Variants in MGMT observed in about 807,000 individuals in gnomAD.
MGMT encodes methylated-DNA--protein-cysteine methyltransferase.
A neutral mutation model predicts 15.9 loss-of-function variants in MGMT; 14 were observed. The ratio of observed to expected loss-of-function variants is 0.88; its 90% confidence interval spans 0.58 to 1.37. The LOEUF (loss-of-function observed/expected upper bound fraction) is 1.37. Among genes scored for constraint, MGMT ranks in the 40% most tolerant of loss-of-function variants. MGMT has a pLI of 0.00. For missense variants in MGMT, 282 were observed against 268.1 expected, an observed-to-expected ratio of 1.05 and a Z score of -0.36; for synonymous variants, 130 against 118.2, an observed-to-expected ratio of 1.10 and a Z score of -0.65.
chr10:129,550,341 G>A (rs975761181), intron 2 of MGMT, among the ~76,000 whole-genome samples: 1 of 139,288 alleles, frequency 7.2e-6, no homozygotes, highest in Non-Finnish European at 1.6e-5. Context: ...GCACCGGCAT[G>A]TTTCACAGTG....
intron 3 of MGMT, among the ~76,000 whole-genome samples, chr10:129,716,133 A>G (rs1159340826): frequency 6.6e-6 from 1 of 152,206 alleles, no homozygotes; most frequent in Non-Finnish European, 1.5e-5. Flanking sequence ...TAAATTGAAG[A>G]ACGAAATCGA....
chr10:129,659,753 A>G lies in MGMT; in HGVS notation c.126-48142A>G, dbSNP rs1052780857. On this transcript the variant is annotated intron_variant, in intron 2 of 4. Transcript: ENST00000651593. The surrounding 1 kb of genome is among the most constrained non-coding windows in gnomAD (Gnocchi z 4.1). ...TAAACTTTAGAAAAAGTGTTCTGAC[A>G]TTTATAGACTGACACGAAAACAGAA... 1.3e-5 allele frequency among the ~76,000 whole-genome samples: 2 copies of G among 152,234 alleles called. No homozygotes were observed. Among genetic ancestry groups the G allele is most frequent in the African/African-American group, 2.4e-5 (1 of 41,462 alleles).
At chr10:129,620,194 A>G (rs1847075665) in intron 2 of MGMT, among the ~76,000 whole-genome samples, 1 of 152,246 alleles carries the variant, frequency 6.6e-6, no homozygotes, top group Non-Finnish European at 1.5e-5. Flanking sequence ...CTTAAGCAGC[A>G]TTCTACATGT....
chr10:129,642,522 G>A (rs1014848977), intron 2 of MGMT, among the ~76,000 whole-genome samples: 5 of 152,156 alleles, frequency 3.3e-5, no homozygotes, highest in Admixed American at 3.3e-4. Flanking sequence ...TGGGATTGTG[G>A]CTAATTTTTA....
intron 2 of MGMT, among the ~76,000 whole-genome samples, chr10:129,613,247 AAG>A (rs1454326227): frequency 6.6e-6 from 1 of 152,198 alleles, no homozygotes; most frequent in Non-Finnish European, 1.5e-5. Flanking sequence ...GAATAAAACC[AAG>A]AGAGTCACTG....
At chr10:129,504,921 T>A (rs1845609565) in intron 1 of MGMT, among the ~76,000 whole-genome samples, 1 of 145,706 alleles carries the variant, frequency 6.9e-6, no homozygotes, top group African/African-American at 2.8e-5. Context: ...TTTGTGTGAA[T>A]GTGGTAGGGT....
chr10:129,728,207 A>G (rs1174173761), intron 3 of MGMT, among the ~76,000 whole-genome samples: 1 of 152,192 alleles, frequency 6.6e-6, no homozygotes, highest in Non-Finnish European at 1.5e-5. Context: ...GGAAAAGAAG[A>G]AGAAGGGATT....
chr10:129,766,720 T>C (rs988830604), intron 4 of MGMT, 68 bp from the exon 5 acceptor site: 12 of 1,425,290 alleles, frequency 8.4e-6, no homozygotes, highest in Admixed American at 2.0e-5. Context: ...GTCAGGGCCT[T>C]GGCCTTGACC....
intron 3 of MGMT, among the ~76,000 whole-genome samples, chr10:129,714,381 A>T (rs1226863284): frequency 6.6e-6 from 1 of 152,238 alleles, no homozygotes; most frequent in Non-Finnish European, 1.5e-5. Context: ...CTTGCTGTTT[A>T]TACTATGAAC....
rs1322210181 is a variant in MGMT, at chr10:129,708,115, T to C, written c.274+72T>C. 2.6e-6 allele frequency: 4 copies of C among 1,526,452 alleles called. No individual in the cohort carries two copies. The Admixed American group carries it at 8.0e-5, about 31-fold the overall frequency. 94.6% of individuals were successfully genotyped at this position (1,526,452 alleles called of 1,614,324 possible). A position where few individuals can be genotyped will look rare whatever the true frequency, so the allele number is the denominator to read the frequency against. ...TATTAACGATCGCTGACATCACAGT[T>C]CATTTTATTGAGTATACCAACTTGG... On this transcript the variant is annotated intron_variant, in intron 3 of 4. Coordinates refer to ENST00000651593, the MANE Select transcript of MGMT (RefSeq NM_002412.5).
At chr10:129,530,515 G>A (rs7900078) in intron 1 of MGMT, among the ~76,000 whole-genome samples, 5,819 of 152,220 alleles carry the variant, frequency 0.038, 172 homozygotes, top group South Asian at 0.066. Flanking sequence ...TCTCTTGATC[G>A]TTCCTGGTTT....
rs528645442 is a variant in MGMT, at chr10:129,582,888, G to T, written c.125+46511G>T. On this transcript the variant is annotated intron_variant, in intron 2 of 4. Coordinates refer to ENST00000651593, the MANE Select transcript of MGMT (RefSeq NM_002412.5). The stretch of plus-strand genomic sequence containing the variant: ...AGAATTATTTCTTTTTTAGAGAAAA[G>T]ATATTTATGACCGAAAACAGTGCTA... Among the ~76,000 whole-genome samples the T allele has an allele frequency of 1.3e-3, 198 of 152,246 alleles. 1 individual carries two copies. Among genetic ancestry groups the T allele is most frequent in the African/African-American group, 4.2e-3 (176 of 41,556 alleles).
intron 2 of MGMT, among the ~76,000 whole-genome samples, chr10:129,582,202 T>C (rs1489799822): frequency 6.6e-6 from 1 of 152,248 alleles, no homozygotes; most frequent in Non-Finnish European, 1.5e-5. Context: ...GTCTCATGAA[T>C]GTGCGTGGAC....
chr10:129,582,371 C>T (rs1230156656), intron 2 of MGMT, among the ~76,000 whole-genome samples: 2 of 152,304 alleles, frequency 1.3e-5, no homozygotes, highest in East Asian at 1.9e-4. Flanking sequence ...ATGACCACTG[C>T]GCAGTGTTGC....
intron 2 of MGMT, among the ~76,000 whole-genome samples, chr10:129,645,460 G>T (rs983087231): frequency 1.3e-5 from 2 of 152,282 alleles, no homozygotes; most frequent in African/African-American, 4.8e-5. Flanking sequence ...CAGCCTTGGG[G>T]CCTCATCCAC....
intron 1 of MGMT, among the ~76,000 whole-genome samples, chr10:129,501,389 G>A: frequency 6.6e-6 from 1 of 152,204 alleles, no homozygotes; most frequent in East Asian, 1.9e-4. Context: ...GACCGAGAAA[G>A]TATTTAACTC....
At chr10:129,737,382 C>G (rs1013583087) in intron 3 of MGMT, among the ~76,000 whole-genome samples, 3 of 152,104 alleles carry the variant, frequency 2.0e-5, no homozygotes, top group African/African-American at 7.2e-5. Context: ...ACGTAGTTCT[C>G]GAGCCTTGGT....
chr10:129,648,495 T>G (rs935683782), intron 2 of MGMT, among the ~76,000 whole-genome samples: 4 of 152,202 alleles, frequency 2.6e-5, no homozygotes, highest in African/African-American at 9.6e-5. Context: ...AGAACCAGAT[T>G]CATAAAATGT....
At chr10:129,534,469 G>A (rs1298585132) in intron 1 of MGMT, among the ~76,000 whole-genome samples, 1 of 152,080 alleles carries the variant, frequency 6.6e-6, no homozygotes, top group East Asian at 1.9e-4. Flanking sequence ...TCTGGAGTGT[G>A]ACAGTTGAGG....
Sources: allele counts gnomAD v4.1 joint callset (sites outside exome capture counted in the v4.1 genomes callset), GRCh38; gene constraint gnomAD v4.1.1; non-coding constraint Gnocchi (gnomAD v3.1); transcripts MANE v1.5; gene names NCBI Gene and HGNC (gene_info 2026-07-23, HGNC 2026-07-21).